The following PAX3 variants were observed in gnomAD, a reference collection of about 807,000 sequenced individuals.
PAX3 encodes paired box 3.
PAX3 carries 14 observed loss-of-function variants against 51.6 expected under a neutral mutation model. That is an observed-to-expected ratio of 0.27 (90% CI 0.18 to 0.42). The LOEUF (loss-of-function observed/expected upper bound fraction) is 0.42, where lower values mean the gene tolerates loss of function less well. PAX3 is among the 10% of genes least tolerant of loss of function. The probability of loss-of-function intolerance (pLI) is 1.00; values close to 1 mark genes in which losing one functional copy is unlikely to be tolerated. For missense variants in PAX3, 540 were observed against 642.8 expected (o/e 0.84, Z 1.73); for synonymous variants, 280 against 253.4 (o/e 1.11, Z -1.00).
At chr2:222,204,833 G>C (rs189738991) in intron 7 of PAX3, among the ~76,000 whole-genome samples, 2 of 152,220 alleles carry the variant, frequency 1.3e-5, no homozygotes, top group East Asian at 3.9e-4. Flanking sequence ...TTCAGTCAAT[G>C]GTATGTCACT....
intron 5 of PAX3, among the ~76,000 whole-genome samples, chr2:222,225,191 C>T (rs763740948): frequency 3.3e-5 from 5 of 152,240 alleles, no homozygotes; most frequent in African/African-American, 4.8e-5. Context: ...TCCCTCAAAG[C>T]AAGTTGTTAT....
intron 4 of PAX3, among the ~76,000 whole-genome samples, chr2:222,260,566 T>G (rs1201452096): frequency 4.5e-4 from 27 of 60,278 alleles, no homozygotes; most frequent in Middle Eastern, 0.011. Context: ...TTTTTTTTTG[T>G]TTTTTTTTTT....
At chr2:222,270,687 T>G (rs1425814443) in intron 4 of PAX3, among the ~76,000 whole-genome samples, 1 of 152,210 alleles carries the variant, frequency 6.6e-6, no homozygotes, top group Non-Finnish European at 1.5e-5. Flanking sequence ...CTTCCTGGCC[T>G]GCTGGGCCTT....
intron 4 of PAX3, among the ~76,000 whole-genome samples, chr2:222,265,320 C>G (rs886614430): frequency 2.0e-5 from 3 of 152,132 alleles, no homozygotes; most frequent in Admixed American, 6.6e-5. Context: ...CTAGGTTCTA[C>G]GCTTTCCCCG....
chr2:222,278,051 A>G (rs753043432), intron 4 of PAX3, among the ~76,000 whole-genome samples: 16 of 151,346 alleles, frequency 1.1e-4, no homozygotes, highest in Non-Finnish European at 1.9e-4. Context: ...GTCTTCTTCC[A>G]GTGTGGCCCA....
At chr2:222,279,494 T>C (rs1694560327) in intron 4 of PAX3, among the ~76,000 whole-genome samples, 1 of 152,072 alleles carries the variant, frequency 6.6e-6, no homozygotes, top group African/African-American at 2.4e-5. Flanking sequence ...TTTCAAAGGG[T>C]TTGGTAGAGG....
chr2:222,270,122 ACAGCT>A (rs1694198946), intron 4 of PAX3, among the ~76,000 whole-genome samples: 2 of 152,244 alleles, frequency 1.3e-5, no homozygotes, highest in African/African-American at 4.8e-5. Context: ...AAGGTAAAAT[ACAGCT>A]CAAATCATAA....
chr2:222,277,676 C>A (rs904479733), intron 4 of PAX3, among the ~76,000 whole-genome samples: 1 of 152,162 alleles, frequency 6.6e-6, no homozygotes, highest in Admixed American at 6.5e-5. Flanking sequence ...TGGCTCACAC[C>A]TGTAACCCCA....
chr2:222,279,570 C>A (rs1389816953), intron 4 of PAX3, among the ~76,000 whole-genome samples: 2 of 152,208 alleles, frequency 1.3e-5, no homozygotes, highest in African/African-American at 4.8e-5. Context: ...CTGGTAACAT[C>A]TTTTCCTATA....
At chr2:222,212,338 G>A (rs1260868902) in intron 7 of PAX3, among the ~76,000 whole-genome samples, 1 of 152,046 alleles carries the variant, frequency 6.6e-6, no homozygotes, top group Non-Finnish European at 1.5e-5. Flanking sequence ...CATTAGTTCA[G>A]TGCTAAAGGT....
chr2:222,233,123 G>C (rs1395887392), intron 4 of PAX3: 1 of 115,536 alleles, frequency 8.7e-6, no homozygotes, highest in East Asian at 2.9e-4. Flanking sequence ...GATCCCTTTT[G>C]TAAAAAAATA....
At chr2:222,241,916 C>T (rs961474312) in intron 4 of PAX3, among the ~76,000 whole-genome samples, 6 of 152,180 alleles carry the variant, frequency 3.9e-5, no homozygotes, top group African/African-American at 1.4e-4. Flanking sequence ...ATGATATACC[C>T]TTCTGTCATT....
chr2:222,280,413 A>AAAAGAAAGAAAG (rs536504926), intron 4 of PAX3, among the ~76,000 whole-genome samples: 2 of 143,556 alleles, frequency 1.4e-5, no homozygotes, highest in African/African-American at 5.1e-5. Context: ...AAAGAAAGAA[A>AAAAGAAAGAAAG]AAAGAAAGAA....
At chr2:222,206,340 A>G (rs1691507328) in intron 7 of PAX3, among the ~76,000 whole-genome samples, 1 of 152,124 alleles carries the variant, frequency 6.6e-6, no homozygotes, top group African/African-American at 2.4e-5. Context: ...CTGTCTCATT[A>G]GAAAAGGAAG....
chr2:222,243,350 G>A (rs1693091234), intron 4 of PAX3, among the ~76,000 whole-genome samples: 1 of 152,202 alleles, frequency 6.6e-6, no homozygotes, highest in African/African-American at 2.4e-5. Flanking sequence ...GAGAGCAAGT[G>A]AGGTTATCTC....
chr2:222,201,943 C>T lies in PAX3; in HGVS notation c.1420+1G>A. ...TGCCCCCTAAAAAGTCCAAGGCTTA[C>T]TTTGTCCATACTGCCCATATTGGTA... On this transcript the variant is annotated splice_donor_variant, in intron 8 of 8. Coordinates refer to ENST00000392070, the MANE Select transcript of PAX3 (RefSeq NM_181458.4). LOFTEE classifies it high-confidence loss of function. 1 of 1,614,094 alleles carries T rather than the reference C, an allele frequency of 6.2e-7. No individual in the cohort carries two copies. The highest frequency in any genetic ancestry group is 8.5e-7 in the Non-Finnish European group (1 of 1,180,000).
At chr2:222,207,582 A>T (rs62188371) in intron 7 of PAX3, among the ~76,000 whole-genome samples, 22,864 of 152,186 alleles carry the variant, frequency 0.15, 2,232 homozygotes, top group East Asian at 0.28. Context: ...ATACATTTCC[A>T]TGTTTTCATT....
At chr2:222,254,026 T>C (rs969988751) in intron 4 of PAX3, among the ~76,000 whole-genome samples, 1 of 152,240 alleles carries the variant, frequency 6.6e-6, no homozygotes, top group Non-Finnish European at 1.5e-5. Flanking sequence ...AGTGCCTGCA[T>C]TGTTTCCAGT....
chr2:222,268,880 C>T (rs941619344), intron 4 of PAX3, among the ~76,000 whole-genome samples: 1 of 152,022 alleles, frequency 6.6e-6, no homozygotes, highest in Admixed American at 6.5e-5. Flanking sequence ...AGGAACCCGA[C>T]TTCAAGGCAG....
Sources: gnomAD v4.1 joint callset for allele counts (sites outside exome capture counted in the v4.1 genomes callset) on GRCh38, gnomAD v4.1.1 for gene constraint, MANE v1.5 for transcripts, NCBI Gene and HGNC (gene_info 2026-07-23, HGNC 2026-07-21) for gene names.